The following SPECC1L variants were observed in gnomAD, a reference collection of about 807,000 sequenced individuals.
SPECC1L encodes the protein cytospin-A.
In SPECC1L, 40 loss-of-function variants were observed where a neutral mutation model predicts 116.8. The observed-to-expected ratio is 0.34, with a 90% CI of 0.27 to 0.45. SPECC1L has a LOEUF of 0.45. Among genes scored for constraint, SPECC1L ranks in the 20% least tolerant of loss-of-function variants. SPECC1L has a pLI of 1.00. For synonymous variants in SPECC1L, 504 were observed against 500.6 expected, an observed-to-expected ratio of 1.01 and a Z score of -0.09; for missense variants, 1,110 against 1,373.6, an observed-to-expected ratio of 0.81 and a Z score of 3.03.
intron 6 of SPECC1L, among the ~76,000 whole-genome samples, chr22:24,327,290 A>AC (rs1569422452): frequency 2.1e-5 from 3 of 146,294 alleles, no homozygotes; most frequent in Admixed American, 6.6e-5. Context: ...AAAAAAAAAA[A>AC]AAAAAAAAAA....
intron 3 of SPECC1L, among the ~76,000 whole-genome samples, chr22:24,304,240 G>A (rs115349016): frequency 0.025 from 3,747 of 152,224 alleles, 179 homozygotes; most frequent in African/African-American, 0.086. Context: ...TTCATTTATG[G>A]ACACCCACAC....
intron 6 of SPECC1L, among the ~76,000 whole-genome samples, chr22:24,325,832 ATTATGT>A (rs2146492102): frequency 6.6e-6 from 1 of 152,296 alleles, no homozygotes; most frequent in South Asian, 2.1e-4. Flanking sequence ...TCATGTGTGT[ATTATGT>A]TTAACAGTAA....
At chr22:24,362,036 G>C (rs1340912816) in intron 11 of SPECC1L, among the ~76,000 whole-genome samples, 1 of 152,192 alleles carries the variant, frequency 6.6e-6, no homozygotes, top group African/African-American at 2.4e-5. Flanking sequence ...AGGATTGGTG[G>C]ACATTCTTGG....
intron 4 of SPECC1L, among the ~76,000 whole-genome samples, chr22:24,315,519 T>C (rs2040544366): frequency 1.3e-5 from 2 of 152,254 alleles, no homozygotes; most frequent in Admixed American, 1.3e-4. Flanking sequence ...ACATTTAACA[T>C]TGTAGCTTAT....
At chr22:24,372,016 C>T (rs528578212) in intron 14 of SPECC1L, among the ~76,000 whole-genome samples, 100 of 152,242 alleles carry the variant, frequency 6.6e-4, no homozygotes, top group African/African-American at 2.0e-3. Flanking sequence ...CCACCGCGCC[C>T]GGTCTCAAAG....
Position 24,321,677 on chromosome 22 carries a change from G to C in SPECC1L, c.697G>C (p.Ala233Pro). ...DEKSEKETIM[A>P]HQPTDVESTL... ...AAAATCTGAGAAGGAAACTATTATG[G>C]CTCACCAGCCGACTGATGTGGAGTC... Residue 233 changes from alanine to proline, a missense_variant, in exon 5 of 17, where the codon GCT (alanine) becomes CCT (proline). Ala to Pro is a conservative substitution (Grantham distance 27). Coordinates refer to ENST00000314328, the MANE Select transcript of SPECC1L (RefSeq NM_015330.6). The C allele has an allele frequency of 6.2e-7, 1 of 1,614,222 alleles. No individual in the cohort carries two copies.
chr22:24,324,349 A>G lies in SPECC1L; in HGVS notation c.2068A>G (p.Ile690Val), dbSNP rs1352229140. ...ETERSDMKET[I>V]FELEDEVEQH... The stretch of plus-strand genomic sequence containing the variant: ...AGAAAGGAGTGACATGAAAGAAACC[A>G]TCTTTGAACTTGAAGATGAAGTAGA... The change falls in exon 6 of 17, where the codon ATC (isoleucine) becomes GTC (valine). Residue 690 changes from isoleucine (I) to valine (V), a missense_variant. By Grantham distance (29) the Ile-to-Val change is conservative (BLOSUM62 3). Transcript: ENST00000314328. The G allele has an allele frequency of 1.2e-6, 2 of 1,614,180 alleles. No individual in the cohort carries two copies. Among genetic ancestry groups the G allele is most frequent in the Admixed American group, 1.7e-5 (1 of 60,032 alleles).
intron 15 of SPECC1L, 49 bp downstream of exon 15, chr22:24,411,753 G>A (rs199695730): frequency 2.1e-4 from 314 of 1,487,094 alleles, no homozygotes; most frequent in Middle Eastern, 1.2e-3. Flanking sequence ...AGGGTTGGAG[G>A]GCTGAGAACC....
chr22:24,388,830 T>C (rs2042212499), intron 14 of SPECC1L, among the ~76,000 whole-genome samples: 1 of 152,208 alleles, frequency 6.6e-6, no homozygotes, highest in South Asian at 2.1e-4. Flanking sequence ...GATTTAGTTG[T>C]GTTATTTTTT....
chr22:24,379,498 C>G (rs1433410968), intron 14 of SPECC1L, among the ~76,000 whole-genome samples: 2 of 152,080 alleles, frequency 1.3e-5, no homozygotes, highest in Non-Finnish European at 2.9e-5. Context: ...CTCTTGGATT[C>G]TTCTATGTTT....
At chr22:24,337,198 C>T (rs1188335613) in intron 9 of SPECC1L, among the ~76,000 whole-genome samples, 4 of 151,932 alleles carry the variant, frequency 2.6e-5, no homozygotes, top group Non-Finnish European at 5.9e-5. Flanking sequence ...TCCATGCATT[C>T]GATGAATGGA....
chr22:24,330,481 T>G, intron 8 of SPECC1L, 50 bp downstream of exon 8: 1 of 1,591,874 alleles, frequency 6.3e-7, no homozygotes, highest in Non-Finnish European at 8.6e-7. Context: ...AGAGAACACT[T>G]AAATCCCAAT....
At chr22:24,302,576 A>T (rs2049402951) in intron 3 of SPECC1L, among the ~76,000 whole-genome samples, 192 bp downstream of exon 3, 2 of 152,194 alleles carry the variant, frequency 1.3e-5, no homozygotes. Context: ...ATGAAACCAG[A>T]CAATAGGCTT....
At chr22:24,344,745 G>A (rs890178487) in intron 10 of SPECC1L, among the ~76,000 whole-genome samples, 2 of 152,160 alleles carry the variant, frequency 1.3e-5, no homozygotes, top group African/African-American at 2.4e-5. Flanking sequence ...AGGTTTACAC[G>A]AGGTCCTATA....
chr22:24,284,371 T>G (rs191819395), intron 2 of SPECC1L, among the ~76,000 whole-genome samples: 136 of 152,284 alleles, frequency 8.9e-4, no homozygotes, highest in African/African-American at 3.2e-3. Flanking sequence ...CCCAAGTATT[T>G]CAGAATTTTC....
intron 11 of SPECC1L, among the ~76,000 whole-genome samples, chr22:24,360,370 C>G (rs1414326057): frequency 3.9e-5 from 6 of 152,154 alleles, no homozygotes; most frequent in African/African-American, 1.4e-4. Context: ...AAATTTAACA[C>G]AAATAATTTT....
At position 24,330,237 on chromosome 22, in the gene SPECC1L, A is replaced by G. The variant is rs2040912670; in HGVS notation, c.2221-19A>G. ...TGATTGCTCTCTTTTGGAAATAAAA[A>G]GTTAGTTTTTTAATATAGGAAGAAT... On this transcript the variant is annotated intron_variant, in intron 7 of 16. Transcript: ENST00000314328. 4 of 1,613,008 alleles carry G rather than the reference A, an allele frequency of 2.5e-6. No individual in the cohort carries two copies. Among genetic ancestry groups the G allele is most frequent in the Non-Finnish European group, 3.4e-6 (4 of 1,179,426 alleles).
chr22:24,411,922 A>G (rs1476249757), intron 15 of SPECC1L, among the ~76,000 whole-genome samples: 2 of 152,220 alleles, frequency 1.3e-5, no homozygotes, highest in Non-Finnish European at 1.5e-5. Context: ...TCCCCAAGTG[A>G]TATCATTCCT....
intron 2 of SPECC1L, among the ~76,000 whole-genome samples, chr22:24,284,975 T>G (rs926723776): frequency 1.3e-5 from 2 of 152,058 alleles, no homozygotes; most frequent in Non-Finnish European, 2.9e-5. Flanking sequence ...GTAAGTGTAA[T>G]TTTGTAGTTG....
Sources: allele counts gnomAD v4.1 joint callset (sites outside exome capture counted in the v4.1 genomes callset), GRCh38; gene constraint gnomAD v4.1.1; transcripts MANE v1.5; gene names NCBI Gene and HGNC (gene_info 2026-07-23, HGNC 2026-07-21).